The following BIRC6 variants were observed in gnomAD, a reference collection of about 807,000 sequenced individuals.
BIRC6 encodes dual E2 ubiquitin-conjugating enzyme/E3 ubiquitin-protein ligase BIRC6.
BIRC6 carries 98 observed loss-of-function variants against 503.3 expected under a neutral mutation model. That is an observed-to-expected ratio of 0.19 (90% confidence interval 0.17 to 0.23). The LOEUF is 0.23. Among genes scored for constraint, BIRC6 ranks in the 10% least tolerant of loss-of-function variants. The pLI is 1.00. For missense variants in BIRC6, 5,360 were observed against 5,806.0 expected (o/e 0.92, Z 2.50); for synonymous variants, 2,240 against 2,078.7 (o/e 1.08, Z -2.11).
chr2:32,567,171 T>A (rs2059591446), intron 65 of BIRC6, among the ~76,000 whole-genome samples: 1 of 152,174 alleles, frequency 6.6e-6, no homozygotes, highest in South Asian at 2.1e-4. Context: ...GGTTTTGCCA[T>A]GTTGGCTAGG....
intron 22 of BIRC6, among the ~76,000 whole-genome samples, chr2:32,450,691 G>A (rs2046611610): frequency 6.6e-6 from 1 of 152,084 alleles, no homozygotes; most frequent in Non-Finnish European, 1.5e-5. Flanking sequence ...CTCTATCCGT[G>A]GGGAATTGGT....
Position 32,573,574 on chromosome 2 carries a change from A to G in BIRC6, c.13145-1582A>G, listed in dbSNP as rs181001426. Reference sequence around the variant, plus strand: ...AGATCCTTATCTCACGTTATTCACAAAAGTAAATTCCAGTTGGTATACAAC... The same window carrying G: ...AGATCCTTATCTCACGTTATTCACAGAAGTAAATTCCAGTTGGTATACAAC... On this transcript the variant is annotated intron_variant, in intron 65 of 73. Transcript: ENST00000421745. 1.0e-3 allele frequency among the ~76,000 whole-genome samples: 159 copies of G among 152,298 alleles called. 1 individual carries two copies. Among genetic ancestry groups the G allele is most frequent in the African/African-American group, 3.7e-3 (154 of 41,554 alleles).
At chr2:32,607,011 A>G (rs369775908) in intron 71 of BIRC6, among the ~76,000 whole-genome samples, 1 of 139,900 alleles carries the variant, frequency 7.1e-6, no homozygotes, top group Non-Finnish European at 1.6e-5. Context: ...CAGTCTTATT[A>G]AAAAAAAAAA....
chr2:32,587,316 G>A (rs927249620), intron 66 of BIRC6, among the ~76,000 whole-genome samples: 3 of 152,202 alleles, frequency 2.0e-5, no homozygotes, highest in Non-Finnish European at 4.4e-5. Flanking sequence ...GAACCCGGGA[G>A]GTGGAGGTTA....
chr2:32,391,043 C>T (rs979991572), intron 4 of BIRC6, among the ~76,000 whole-genome samples: 1 of 151,830 alleles, frequency 6.6e-6, no homozygotes, highest in African/African-American at 2.4e-5. Flanking sequence ...AAGAAAAATA[C>T]GTAATTAGAA....
At chr2:32,438,782 G>A (rs1263161207) in intron 15 of BIRC6, among the ~76,000 whole-genome samples, 1 of 151,848 alleles carries the variant, frequency 6.6e-6, no homozygotes, top group Non-Finnish European at 1.5e-5. Context: ...GGATGGTCTC[G>A]ATCTCCTGAC....
Position 32,476,353 on chromosome 2 carries a change from T to C in BIRC6, c.6852+9T>C. On this transcript the variant is annotated intron_variant, in intron 34 of 73. Transcript: ENST00000421745. ...AGCAGGCCACTTCAAAGGTATGATC[T>C]ATACTTTTCAATATAGTTATCTCAG... The C allele has an allele frequency of 6.4e-7, 1 of 1,562,002 alleles. No individual in the cohort carries two copies. The highest frequency in any genetic ancestry group is 8.7e-7 in the Non-Finnish European group (1 of 1,154,588).
At chr2:32,386,106 A>G (rs2038420078) in intron 3 of BIRC6, among the ~76,000 whole-genome samples, 1 of 152,192 alleles carries the variant, frequency 6.6e-6, no homozygotes, top group Non-Finnish European at 1.5e-5. Flanking sequence ...GTTGATCTGC[A>G]GGATGTTAGG....
At position 32,515,353 on chromosome 2, in the gene BIRC6, T is replaced by C; in HGVS notation, c.10932T>C (p.Phe3644=). The C allele has an allele frequency of 6.2e-7, 1 of 1,613,768 alleles. No homozygotes were observed. ...LLVRSLASFC[F]SHISSSESIA... ...TGAGGAGTCTGGCTAGTTTCTGCTTTAGCCACATTTCTAGCTCAGAAAGCA... is the reference window on the plus strand; with the variant it reads ...TGAGGAGTCTGGCTAGTTTCTGCTTCAGCCACATTTCTAGCTCAGAAAGCA... Residue 3644 remains phenylalanine, a synonymous_variant, in exon 55 of 74, where the codon TTT becomes TTC. Transcript: ENST00000421745.
At chr2:32,482,709 G>C (rs941639205) in intron 39 of BIRC6, 127 bp downstream of exon 39, 1 of 941,158 alleles carries the variant, frequency 1.1e-6, no homozygotes, top group Non-Finnish European at 1.6e-6. Flanking sequence ...CAGCTGTGCC[G>C]TGAGTACCAT....
rs777785899 is a variant in BIRC6 at position 32,509,916 on chromosome 2, C to A, written c.10159C>A (p.Leu3387Met). 6.2e-7 allele frequency: 1 copy of A among 1,613,838 alleles called. No individual in the cohort carries two copies. Among genetic ancestry groups the A allele is most frequent in the Non-Finnish European group, 8.5e-7 (1 of 1,179,880 alleles). ...CGAGGTTGTGCTTGTAAAGATAGGA[C>A]TGCAGTCTACTAGAATTGGCCTGAA... ...NIEVVLVKIG[L>M]QSTRIGLKLI... The change falls in exon 52 of 74, where the codon CTG becomes ATG. Residue 3387 changes from leucine (L) to methionine (M), a missense_variant. By Grantham distance (15) the Leu-to-Met change is conservative (BLOSUM62 2). Around this residue, in one of 16 missense-constraint regions of BIRC6, gnomAD observed 878 missense variants for 928.9 expected, o/e 0.95. Coordinates refer to ENST00000421745, the MANE Select transcript of BIRC6 (RefSeq NM_016252.4).
At chr2:32,511,123 G>T (rs1323327583) in intron 53 of BIRC6, among the ~76,000 whole-genome samples, 1 of 148,426 alleles carries the variant, frequency 6.7e-6, no homozygotes, top group Non-Finnish European at 1.5e-5. Flanking sequence ...GCTGTTTACA[G>T]AATGAAACAA....
intron 54 of BIRC6, 107 bp from the exon 55 acceptor site, chr2:32,514,883 T>G: frequency 1.2e-6 from 1 of 811,282 alleles, no homozygotes; most frequent in Non-Finnish European, 1.9e-6. Flanking sequence ...CAATGTCAAA[T>G]AAAGTATATA....
Position 32,442,385 on chromosome 2 carries a change from C to T in BIRC6, c.4168C>T (p.Arg1390Cys), listed in dbSNP as rs1335001376. The T allele has an allele frequency of 4.3e-6, 7 of 1,611,676 alleles. 1 individual carries two copies. The highest frequency in any genetic ancestry group is 3.3e-5 in the South Asian group (3 of 90,624). ...ACGAAAATTTCTGTCAGACATCGTA[C>T]GTGTTTGCTTCTTTGAGGCAGGACG... ...KTRKFLSDIVRVCFFEAGRSI... is the reference protein window; with the variant it reads ...KTRKFLSDIVCVCFFEAGRSI... Residue 1390 changes from arginine to cysteine, a missense_variant, in exon 19 of 74, where the codon CGT (arginine) becomes TGT (cysteine). By Grantham distance (180) the Arg-to-Cys change is radical. Transcript: ENST00000421745.
rs2061591068 is a variant in BIRC6 at position 32,594,954 on chromosome 2, G to A, written c.13502-80G>A. 3.0e-5 allele frequency: 27 copies of A among 886,758 alleles called. No individual in the cohort carries two copies. In the South Asian group the frequency reaches 5.2e-4, roughly 17 times the overall value. 54.9% of individuals were successfully genotyped at this position (886,758 alleles called of 1,614,324 possible). A position where few individuals can be genotyped will look rare whatever the true frequency, so the allele number is the denominator to read the frequency against. ...TGGAATTCACAATTTGAACTCTAGA[G>A]GTGAATTCTTTTTAGTTTTATTTTT... On this transcript the variant is annotated intron_variant, in intron 67 of 73. Transcript: ENST00000421745.
intron 8 of BIRC6, among the ~76,000 whole-genome samples, chr2:32,403,873 A>G (rs180874671): frequency 4.0e-5 from 6 of 151,812 alleles, no homozygotes; most frequent in African/African-American, 1.2e-4. Context: ...TAATCACACT[A>G]TGGGATTATG....
intron 37 of BIRC6, among the ~76,000 whole-genome samples, chr2:32,480,306 C>T (rs1163897050): frequency 1.3e-5 from 2 of 152,158 alleles, no homozygotes; most frequent in Non-Finnish European, 2.9e-5. Flanking sequence ...ACTTCCCTTG[C>T]GCTCTCAAAT....
At chr2:32,587,936 A>T (rs1001944805) in intron 66 of BIRC6, among the ~76,000 whole-genome samples, 2 of 152,220 alleles carry the variant, frequency 1.3e-5, no homozygotes, top group African/African-American at 4.8e-5. Flanking sequence ...TTACTAGATT[A>T]CCAAACTAAA....
intron 62 of BIRC6, among the ~76,000 whole-genome samples, 161 bp downstream of exon 62, chr2:32,543,702 C>T (rs1210890601): frequency 1.3e-5 from 2 of 152,112 alleles, no homozygotes; most frequent in Admixed American, 6.6e-5. Context: ...CATAATAAAT[C>T]CTAAAGAATC....
Sources: allele counts gnomAD v4.1 joint callset (sites outside exome capture counted in the v4.1 genomes callset), GRCh38; gene constraint gnomAD v4.1.1; regional missense constraint gnomAD v4.1.1; transcripts MANE v1.5; gene names NCBI Gene and HGNC (gene_info 2026-07-23, HGNC 2026-07-21).